Variants in TMEM65 observed in about 807,000 individuals in gnomAD.
TMEM65 encodes transmembrane protein 65.
In TMEM65, 22 loss-of-function variants were observed where a neutral mutation model predicts 25.4. That is an observed-to-expected ratio of 0.86 (90% CI 0.62 to 1.23). TMEM65 has a LOEUF of 1.23. Ranked by LOEUF, TMEM65 falls within the 50% of genes most tolerant of loss-of-function variation. The probability of loss-of-function intolerance (pLI) is 0.00; values close to 1 mark genes in which losing one functional copy is unlikely to be tolerated. For synonymous variants in TMEM65, 132 were observed against 126.2 expected, an observed-to-expected ratio of 1.05 and a Z score of -0.31; for missense variants, 262 against 308.2, an observed-to-expected ratio of 0.85 and a Z score of 1.12.
chr8:124,340,231 G>A (rs892783236), intron 1 of TMEM65, among the ~76,000 whole-genome samples: 2 of 152,054 alleles, frequency 1.3e-5, no homozygotes, highest in African/African-American at 4.8e-5. Context: ...GTGGAACATG[G>A]CTAAAAGTTT....
chr8:124,366,522 T>G (rs1814939747), intron 1 of TMEM65, among the ~76,000 whole-genome samples: 1 of 152,190 alleles, frequency 6.6e-6, no homozygotes, highest in Non-Finnish European at 1.5e-5. Context: ...GAGCCCTGCC[T>G]ATATCCTTTT....
In TMEM65 at chr8:124,312,771, A is replaced by T. The variant is rs1814180174; in HGVS notation, c.*1189T>A. Reference sequence around the variant, plus strand: ...AAATACCACAAAAGAAGAAAAAAGAAAAACAAAGGGAAAAAGGATTTCTCC... The same window carrying T: ...AAATACCACAAAAGAAGAAAAAAGATAAACAAAGGGAAAAAGGATTTCTCC... On this transcript the variant is annotated 3_prime_UTR_variant, in exon 7 of 7. Coordinates refer to ENST00000297632, the MANE Select transcript of TMEM65 (RefSeq NM_194291.3). 6.6e-6 allele frequency: 1 copy of T among 151,994 alleles called. No homozygotes were observed. Among genetic ancestry groups the T allele is most frequent in the Non-Finnish European group, 1.5e-5 (1 of 67,860 alleles). The allele number at this position is 151,994 out of a possible 1,614,324, so 9.4% of individuals were successfully genotyped here.
intron 1 of TMEM65, among the ~76,000 whole-genome samples, chr8:124,358,534 A>G (rs1814814514): frequency 1.3e-5 from 2 of 152,194 alleles, no homozygotes; most frequent in South Asian, 4.1e-4. Flanking sequence ...TTCAAACCAC[A>G]TTCAAATAAG....
chr8:124,337,778 G>A (rs1333039035), intron 1 of TMEM65, among the ~76,000 whole-genome samples: 6 of 152,038 alleles, frequency 3.9e-5, no homozygotes, highest in Middle Eastern at 3.4e-3. Context: ...CTTTGACTCC[G>A]CATTTTAGTC....
intron 6 of TMEM65, among the ~76,000 whole-genome samples, chr8:124,318,024 CATA>C (rs1387161156): frequency 6.6e-6 from 1 of 152,110 alleles, no homozygotes; most frequent in Non-Finnish European, 1.5e-5. Context: ...GAAAAAATCT[CATA>C]ATGTTTTAAG....
chr8:124,362,697 T>C (rs370392358), intron 1 of TMEM65, among the ~76,000 whole-genome samples: 11 of 148,524 alleles, frequency 7.4e-5, no homozygotes, highest in African/African-American at 2.5e-4. Flanking sequence ...TAAGAGATTA[T>C]AAAAGGTTTA....
intron 6 of TMEM65, among the ~76,000 whole-genome samples, chr8:124,317,034 T>C (rs1435930469): frequency 6.6e-6 from 1 of 152,192 alleles, no homozygotes; most frequent in African/African-American, 2.4e-5. Context: ...ATCCTTCTAC[T>C]ACTCATATTT....
intron 1 of TMEM65, among the ~76,000 whole-genome samples, chr8:124,342,171 A>G (rs1814590402): frequency 6.6e-6 from 1 of 152,122 alleles, no homozygotes; most frequent in African/African-American, 2.4e-5. Context: ...AACTCTCATC[A>G]GATATTTAAT....
At chr8:124,356,620 T>G (rs1448680767) in intron 1 of TMEM65, among the ~76,000 whole-genome samples, 1 of 152,184 alleles carries the variant, frequency 6.6e-6, no homozygotes, top group East Asian at 1.9e-4. Context: ...TCAATCTCTT[T>G]CACGTTATTA....
chr8:124,358,950 C>T (rs1814822463), intron 1 of TMEM65, among the ~76,000 whole-genome samples: 1 of 152,112 alleles, frequency 6.6e-6, no homozygotes, highest in African/African-American at 2.4e-5. Flanking sequence ...TTTATCTGAA[C>T]TGAATTTGGA....
chr8:124,342,339 G>A (rs894978829), intron 1 of TMEM65, among the ~76,000 whole-genome samples: 3 of 152,102 alleles, frequency 2.0e-5, no homozygotes, highest in African/African-American at 7.2e-5. Flanking sequence ...CCATTGGACT[G>A]AGTCCAAGAA....
At chr8:124,367,372 G>C (rs1348860884) in intron 1 of TMEM65, among the ~76,000 whole-genome samples, 1 of 152,122 alleles carries the variant, frequency 6.6e-6, no homozygotes, top group East Asian at 1.9e-4. Flanking sequence ...TTCTCAGGAG[G>C]CTGAGGCAGG....
intron 2 of TMEM65, among the ~76,000 whole-genome samples, chr8:124,330,184 T>A (rs1814414082): frequency 6.6e-6 from 1 of 151,974 alleles, no homozygotes; most frequent in Non-Finnish European, 1.5e-5. Context: ...ATAATTCACT[T>A]CTTCCATCTT....
chr8:124,342,030 CTG>C, intron 1 of TMEM65, among the ~76,000 whole-genome samples: 2 of 152,122 alleles, frequency 1.3e-5, no homozygotes, highest in East Asian at 3.9e-4. Context: ...GTTTCAGAAA[CTG>C]TATGAAATTC....
intron 2 of TMEM65, among the ~76,000 whole-genome samples, chr8:124,329,683 T>C (rs1187131058): frequency 6.6e-6 from 1 of 151,880 alleles, no homozygotes; most frequent in Non-Finnish European, 1.5e-5. Flanking sequence ...TTTCAAAAAG[T>C]TAAATAAACA....
chr8:124,315,567 C>T (rs549438828), intron 6 of TMEM65, among the ~76,000 whole-genome samples: 4 of 152,036 alleles, frequency 2.6e-5, no homozygotes, highest in Admixed American at 1.3e-4. Context: ...ATGATCCACC[C>T]GCCTCGGCCT....
chr8:124,319,372 T>C (rs1443069977), intron 6 of TMEM65, among the ~76,000 whole-genome samples: 1 of 152,130 alleles, frequency 6.6e-6, no homozygotes, highest in Non-Finnish European at 1.5e-5. Flanking sequence ...CTCCATCACT[T>C]AGGTAAGAGG....
chr8:124,365,968 C>A (rs1177177910), intron 1 of TMEM65, among the ~76,000 whole-genome samples: 4 of 152,206 alleles, frequency 2.6e-5, no homozygotes, highest in African/African-American at 9.6e-5. Flanking sequence ...CGCCTGTAAT[C>A]TCAGCACTTT....
chr8:124,324,800 T>A (rs72711166), intron 3 of TMEM65, among the ~76,000 whole-genome samples: 1 of 151,820 alleles, frequency 6.6e-6, no homozygotes, highest in African/African-American at 2.4e-5. Flanking sequence ...ACTTCTTTAC[T>A]GTGTCCCATA....
Sources: gnomAD v4.1 joint callset for allele counts (sites outside exome capture counted in the v4.1 genomes callset) on GRCh38, gnomAD v4.1.1 for gene constraint, MANE v1.5 for transcripts, NCBI Gene and HGNC (gene_info 2026-07-23, HGNC 2026-07-21) for gene names.